The following TPRG1 variants were observed in gnomAD, a reference collection of about 807,000 sequenced individuals.
The protein encoded by TPRG1 is tumor protein p63 regulated 1.
A neutral mutation model predicts 29.3 loss-of-function variants in TPRG1; 29 were observed. That is an observed-to-expected ratio of 0.99 (90% CI 0.74 to 1.35). The LOEUF is 1.35. TPRG1 is among the 40% of genes most tolerant of loss of function. The pLI is 0.00. For synonymous variants in TPRG1, 130 were observed against 116.8 expected, an observed-to-expected ratio of 1.11 and a Z score of -0.73; for missense variants, 327 against 335.0, an observed-to-expected ratio of 0.98 and a Z score of 0.19.
rs188171595 is a variant in TPRG1, at chr3:189,080,018, A to G, written c.-462-47039A>G. ...GGTTGGATGCACGTTGTATAGCTAA[A>G]TAGATATCTGTTGAATGAACGAATA... On this transcript the variant is annotated intron_variant, in intron 4 of 10. Transcript: ENST00000433971. 5.9e-5 allele frequency among the ~76,000 whole-genome samples: 9 copies of G among 152,306 alleles called. No individual in the cohort carries two copies. In the East Asian group the frequency reaches 1.7e-3, roughly 29 times the overall value.
chr3:189,076,690 A>C (rs1717194065), intron 4 of TPRG1, among the ~76,000 whole-genome samples: 1 of 152,198 alleles, frequency 6.6e-6, no homozygotes, highest in Non-Finnish European at 1.5e-5. Context: ...ATAGATCATT[A>C]CTGGGAGTGA....
At chr3:189,288,752 CAAATTAACCTTTGT>C (rs148193479) in intron 4 of TPRG1, among the ~76,000 whole-genome samples, 3,847 of 152,334 alleles carry the variant, frequency 0.025, 170 homozygotes, top group African/African-American at 0.088. Context: ...GATGCATAAG[CAAATTAACCTTTGT>C]AAGGGCAGCT....
intron 3 of TPRG1, among the ~76,000 whole-genome samples, chr3:189,008,460 A>T (rs954373867): frequency 6.6e-6 from 1 of 152,202 alleles, no homozygotes; most frequent in Non-Finnish European, 1.5e-5. Context: ...TGTGCCGCTA[A>T]AGTTGCAAAT....
intron 3 of TPRG1, chr3:189,219,441 TTA>T: frequency 2.4e-6 from 1 of 422,188 alleles, no homozygotes; most frequent in Non-Finnish European, 3.9e-6. Flanking sequence ...TCCAGGACTG[TTA>T]TATACATCTA....
At chr3:189,249,509 TG>T (rs1471172097) in intron 4 of TPRG1, among the ~76,000 whole-genome samples, 1 of 152,016 alleles carries the variant, frequency 6.6e-6, no homozygotes, top group Non-Finnish European at 1.5e-5. Flanking sequence ...GATCCAATCT[TG>T]GGGTCTTTTT....
At chr3:189,020,018 G>A (rs1393146292) in intron 3 of TPRG1, among the ~76,000 whole-genome samples, 11 of 151,732 alleles carry the variant, frequency 7.2e-5, no homozygotes, top group South Asian at 4.2e-4. Flanking sequence ...GTTTATTTGC[G>A]TAGAGGTGTT....
At chr3:189,029,120 T>C (rs954926185) in intron 4 of TPRG1, among the ~76,000 whole-genome samples, 3 of 152,138 alleles carry the variant, frequency 2.0e-5, no homozygotes, top group African/African-American at 7.2e-5. Context: ...AATTGAGCCT[T>C]TTTTTCTACT....
At chr3:189,190,949 T>A in intron 1 of TPRG1, 1 of 985,408 alleles carries the variant, frequency 1.0e-6, no homozygotes, top group Non-Finnish European at 1.2e-6. Context: ...GGCTTTGAGA[T>A]AAATATTCAC....
At chr3:189,047,378 A>T (rs924536115) in intron 4 of TPRG1, among the ~76,000 whole-genome samples, 2 of 152,224 alleles carry the variant, frequency 1.3e-5, no homozygotes, top group African/African-American at 2.4e-5. Flanking sequence ...AATTAAAAAT[A>T]CTTTATTGCT....
chr3:189,104,990 C>T (rs1229909310), intron 1 of TPRG1, among the ~76,000 whole-genome samples: 1 of 152,166 alleles, frequency 6.6e-6, no homozygotes, highest in Admixed American at 6.6e-5. Flanking sequence ...TCCTTCTACT[C>T]TAATTCCCTA....
At chr3:189,258,605 C>T (rs1392711254) in intron 4 of TPRG1, among the ~76,000 whole-genome samples, 1 of 152,168 alleles carries the variant, frequency 6.6e-6, no homozygotes, top group Non-Finnish European at 1.5e-5. Context: ...GTGCCCACAG[C>T]CGCCCCTTCC....
chr3:189,014,002 C>T (rs1318478727), intron 3 of TPRG1, among the ~76,000 whole-genome samples: 3 of 152,262 alleles, frequency 2.0e-5, no homozygotes, highest in Non-Finnish European at 4.4e-5. Flanking sequence ...CGTCTTCTTA[C>T]ATTTAAGGTT....
At chr3:189,288,699 T>G (rs539203610) in intron 4 of TPRG1, among the ~76,000 whole-genome samples, 1 of 152,394 alleles carries the variant, frequency 6.6e-6, no homozygotes, top group African/African-American at 2.4e-5. Context: ...AGTATCATTC[T>G]GAGCTAAGTC....
intron 4 of TPRG1, among the ~76,000 whole-genome samples, chr3:189,250,747 TAAAAAAA>T (rs139028462): frequency 4.1e-5 from 5 of 122,702 alleles, no homozygotes; most frequent in Non-Finnish European, 6.9e-5. Context: ...TTCCCTTGTT[TAAAAAAA>T]AAAAAAAAAA....
At chr3:189,012,282 CTT>C (rs950868597) in intron 3 of TPRG1, among the ~76,000 whole-genome samples, 38 of 151,958 alleles carry the variant, frequency 2.5e-4, no homozygotes, top group Non-Finnish European at 1.5e-5. Flanking sequence ...TCATATATGA[CTT>C]TTATTATTTT....
At chr3:189,154,998 G>A (rs1354489287) in intron 5 of TPRG1, among the ~76,000 whole-genome samples, 1 of 152,204 alleles carries the variant, frequency 6.6e-6, no homozygotes, top group Non-Finnish European at 1.5e-5. Flanking sequence ...AATGAGCTAT[G>A]TGACTGTCTG....
At chr3:189,271,427 G>T (rs1405456541) in intron 4 of TPRG1, among the ~76,000 whole-genome samples, 3 of 152,162 alleles carry the variant, frequency 2.0e-5, no homozygotes, top group Non-Finnish European at 4.4e-5. Flanking sequence ...TCTAACTTAA[G>T]CTTGCCCACA....
intron 1 of TPRG1, among the ~76,000 whole-genome samples, chr3:189,179,926 A>G (rs183283026): frequency 1.1e-3 from 171 of 152,306 alleles, no homozygotes; most frequent in South Asian, 1.9e-3. Context: ...GACACACATG[A>G]GACTGGGCAA....
intron 5 of TPRG1, among the ~76,000 whole-genome samples, chr3:189,313,741 CA>C (rs1328740680): frequency 6.6e-6 from 1 of 152,038 alleles, no homozygotes; most frequent in African/African-American, 2.4e-5. Flanking sequence ...AGAAATGAGA[CA>C]AGGTTCTTGC....
Sources: gnomAD v4.1 joint callset for allele counts (sites outside exome capture counted in the v4.1 genomes callset) on GRCh38, gnomAD v4.1.1 for gene constraint, MANE v1.5 for transcripts, NCBI Gene and HGNC (gene_info 2026-07-23, HGNC 2026-07-21) for gene names.